PCNA: variants seen among roughly 807,000 people sequenced by gnomAD.
PCNA encodes proliferating cell nuclear antigen.
In PCNA, 4 loss-of-function variants were observed where a neutral mutation model predicts 27.8. That is an observed-to-expected ratio of 0.14 (90% CI 0.07 to 0.33). PCNA has a LOEUF of 0.33. Among genes scored for constraint, PCNA ranks in the 10% least tolerant of loss-of-function variants. The pLI is 1.00. For missense variants in PCNA, 165 were observed against 327.4 expected (o/e 0.50, Z 3.83); for synonymous variants, 121 against 119.4 (o/e 1.01, Z -0.09).
rs2090492935 is a variant in PCNA at position 5,118,631 on chromosome 20, A to G, written c.366T>C (p.Asp122=). 6.2e-7 allele frequency: 1 copy of G among 1,612,578 alleles called. No individual in the cohort carries two copies. The highest frequency in any genetic ancestry group is 1.7e-5 in the Admixed American group (1 of 59,998). ...TCACTGGAATTCCAAGTTGTTCAAC[A>G]TCTAAATCCATCAACTTCATTTCAT... The part of the protein sequence containing the change: ...SDYEMKLMDL[D]VEQLGIPEQE... Residue 122 remains aspartate, a synonymous_variant, in exon 3 of 6, where the codon GAT becomes GAC. Coordinates refer to ENST00000379143, the MANE Select transcript of PCNA (RefSeq NM_182649.2).
intron 2 of PCNA, 43 bp downstream of exon 2, chr20:5,118,726 G>A (rs2122903317): frequency 1.9e-6 from 3 of 1,606,632 alleles, no homozygotes; most frequent in Non-Finnish European, 2.6e-6. Flanking sequence ...ACAGAGTTTT[G>A]ATTTTCTGTA....
chr20:5,119,142 C>T (rs1288064184), intron 1 of PCNA, among the ~76,000 whole-genome samples: 1 of 152,042 alleles, frequency 6.6e-6, no homozygotes, highest in African/African-American at 2.4e-5. Context: ...CTCGCAAGGG[C>T]ATTATAAAGC....
At chr20:5,116,141 T>TA (rs2122895279) in intron 4 of PCNA, among the ~76,000 whole-genome samples, 1 of 152,132 alleles carries the variant, frequency 6.6e-6, no homozygotes, top group African/African-American at 2.4e-5. Context: ...CTTCAACAAA[T>TA]AGATTGTAAT....
Position 5,114,993 on chromosome 20 carries a change from C to CA in PCNA, c.*289dup. 1 of 249,610 alleles carries CA rather than the reference C, an allele frequency of 4.0e-6. No homozygotes were observed. Among genetic ancestry groups the CA allele is most frequent in the South Asian group, 5.7e-5 (1 of 17,654 alleles). 15.5% of individuals were successfully genotyped at this position (249,610 alleles called of 1,614,324 possible). A position where few individuals can be genotyped will look rare whatever the true frequency, so the allele number is the denominator to read the frequency against. ...AAGTAACTTTATTTAAATTCAAAAA[C>CA]AATTCTTAAAACTGCATTTAGAGTC... On this transcript the variant is annotated 3_prime_UTR_variant, in exon 6 of 6. Transcript: ENST00000379143.
At chr20:5,123,152 C>T (rs73602869), upstream of PCNA, among the ~76,000 whole-genome samples, 72 of 152,240 alleles carry the variant, frequency 4.7e-4, no homozygotes, top group African/African-American at 1.7e-3. Context: ...AGAACTCAGA[C>T]TGATGTGTCT....
Position 5,119,863 on chromosome 20 carries a change from G to C in PCNA, c.-65C>G, listed in dbSNP as rs979750570. ...AAGGAGGAAAGTCTAGCTGGTTTCG[G>C]CTTCAGGAGCCTCAGAGCGAGCGGG... On this transcript the variant is annotated 5_prime_UTR_variant, in exon 1 of 6. Coordinates refer to ENST00000379143, the MANE Select transcript of PCNA (RefSeq NM_182649.2). 16 of 1,318,396 alleles carry C rather than the reference G, an allele frequency of 1.2e-5. No individual in the cohort carries two copies. The highest frequency in any genetic ancestry group is 5.1e-4 in the Middle Eastern group (2 of 3,886). 81.7% of individuals were successfully genotyped at this position (1,318,396 alleles called of 1,614,324 possible).
chr20:5,119,551 C>T (rs370345974), intron 1 of PCNA, 27 bp downstream of exon 1: 45 of 1,587,690 alleles, frequency 2.8e-5, no homozygotes, highest in Middle Eastern at 2.1e-4. Context: ...CGGGCCGGGG[C>T]CGGCTTCCCG....
upstream of PCNA, among the ~76,000 whole-genome samples, chr20:5,123,496 A>G (rs1467594688): frequency 6.6e-6 from 1 of 152,150 alleles, no homozygotes; most frequent in African/African-American, 2.4e-5. Flanking sequence ...GGAGTTCGAG[A>G]CCAGCCAGGC....
chr20:5,120,473 C>T (rs2090511599), upstream of PCNA, among the ~76,000 whole-genome samples: 2 of 152,134 alleles, frequency 1.3e-5, no homozygotes, highest in South Asian at 4.1e-4. Context: ...CTTAACATTC[C>T]CCCGCCAGCT....
At chr20:5,115,641 T>A in intron 4 of PCNA, 69 bp from the exon 5 acceptor site, 3 of 1,373,308 alleles carry the variant, frequency 2.2e-6, no homozygotes, top group South Asian at 2.5e-5. Flanking sequence ...ATTATATATT[T>A]ATAAAAACCC....
intron 4 of PCNA, 130 bp from the exon 5 acceptor site, chr20:5,115,702 C>G: frequency 1.5e-6 from 1 of 665,050 alleles, no homozygotes; most frequent in Non-Finnish European, 2.5e-6. Context: ...ATTTTGAAGA[C>G]TGATACATAA....
At position 5,119,804 on chromosome 20, in the gene PCNA, C is replaced by T. The variant is rs368508237; in HGVS notation, c.-6G>A. ...ACCAGGCGCGCCTCGAACATGGTGG[C>T]GGAGTGGCAACAACGCCGCTACAGG... On this transcript the variant is annotated 5_prime_UTR_variant, in exon 1 of 6. Transcript: ENST00000379143. The T allele has an allele frequency of 1.9e-4, 289 of 1,558,056 alleles. No homozygotes were observed. The highest frequency in any genetic ancestry group is 4.8e-4 in the Admixed American group (25 of 51,958).
At chr20:5,122,430 T>C (rs1212242126), upstream of PCNA, among the ~76,000 whole-genome samples, 4 of 152,274 alleles carry the variant, frequency 2.6e-5, no homozygotes, top group Non-Finnish European at 5.9e-5. Context: ...TGTTTTTCTG[T>C]ATAATATCCT....
intron 4 of PCNA, among the ~76,000 whole-genome samples, chr20:5,116,483 C>T (rs1157683789): frequency 2.0e-5 from 3 of 152,182 alleles, no homozygotes; most frequent in African/African-American, 7.2e-5. Flanking sequence ...ATGTTGACTA[C>T]CCATTCAAGG....
chr20:5,118,426 G>C (rs2090491326), intron 3 of PCNA, among the ~76,000 whole-genome samples, 184 bp downstream of exon 3: 1 of 152,170 alleles, frequency 6.6e-6, no homozygotes, highest in Non-Finnish European at 1.5e-5. Context: ...TAGCCACTTA[G>C]GAGACTAAGG....
At chr20:5,123,114 T>A (rs1303456314), upstream of PCNA, among the ~76,000 whole-genome samples, 1 of 152,150 alleles carries the variant, frequency 6.6e-6, no homozygotes, top group East Asian at 1.9e-4. Context: ...GTCAGCATAC[T>A]TGGAATATAT....
intron 1 of PCNA, among the ~76,000 whole-genome samples, chr20:5,126,212 AAACAAACG>A (rs942798296): frequency 6.6e-6 from 1 of 151,416 alleles, no homozygotes; most frequent in Non-Finnish European, 1.5e-5. Context: ...CAAAACAAAC[AAACAAACG>A]AACAAACAAA....
At chr20:5,115,676 G>C (rs1396201433) in intron 4 of PCNA, 104 bp from the exon 5 acceptor site, 21 of 924,948 alleles carry the variant, frequency 2.3e-5, no homozygotes, top group Non-Finnish European at 2.9e-5. Context: ...TGGTCACTTT[G>C]GAGGGAGCTA....
chr20:5,120,000 T>C, upstream of PCNA: 1 of 587,216 alleles, frequency 1.7e-6, no homozygotes, highest in South Asian at 2.0e-5. Flanking sequence ...CTGCGCCGCG[T>C]TGCGACGTCA....
Sources: gnomAD v4.1 joint callset for allele counts (sites outside exome capture counted in the v4.1 genomes callset) on GRCh38, gnomAD v4.1.1 for gene constraint, MANE v1.5 for transcripts, NCBI Gene and HGNC (gene_info 2026-07-23, HGNC 2026-07-21) for gene names.